The following YRDC variants were observed in gnomAD, a reference collection of about 807,000 sequenced individuals.
YRDC encodes threonylcarbamoyl-AMP synthase.
A neutral mutation model predicts 21.5 loss-of-function variants in YRDC; 17 were observed. The ratio of observed to expected loss-of-function variants is 0.79; its 90% CI spans 0.54 to 1.19. The LOEUF (loss-of-function observed/expected upper bound fraction) is 1.19, where lower values mean the gene tolerates loss of function less well. Among genes scored for constraint, YRDC ranks in the 50% most tolerant of loss-of-function variants. The probability of loss-of-function intolerance (pLI) is 0.00; values close to 1 mark genes in which losing one functional copy is unlikely to be tolerated. For missense variants in YRDC, 380 were observed against 397.1 expected, an observed-to-expected ratio of 0.96 and a Z score of 0.37; for synonymous variants, 193 against 176.7, an observed-to-expected ratio of 1.09 and a Z score of -0.73.
chr1:37,804,109 C>T, intron 4 of YRDC, 112 bp from the exon 5 acceptor site: 3 of 1,476,454 alleles, frequency 2.0e-6, no homozygotes, highest in Non-Finnish European at 1.9e-6. Flanking sequence ...CCCTGTTCAT[C>T]AACCCTTGAT....
rs956661899 is a variant in YRDC, at chr1:37,803,603, T to A, written c.*322A>T. On this transcript the variant is annotated 3_prime_UTR_variant, in exon 5 of 5. Transcript: ENST00000373044. ...AGGCTCTCACTAGATTCTAAATCTG[T>A]TATTTAATTACTTTTCAATTGAAAA... 1.8e-5 allele frequency: 5 copies of A among 270,960 alleles called. No homozygotes were observed. The highest frequency in any genetic ancestry group is 2.1e-5 in the Non-Finnish European group (3 of 142,552). 16.8% of individuals were successfully genotyped at this position (270,960 alleles called of 1,614,324 possible).
Position 37,807,409 on chromosome 1 carries a change from G to A in YRDC, c.390-194C>T, listed in dbSNP as rs1646746372. 1.9e-5 allele frequency: 12 copies of A among 626,014 alleles called. No homozygotes were observed. The South Asian group carries it at 2.4e-4, about 12-fold the overall frequency. 38.8% of individuals were successfully genotyped at this position (626,014 alleles called of 1,614,324 possible). On this transcript the variant is annotated intron_variant, in intron 1 of 4. Transcript: ENST00000373044. ...CGCACCCCTGGCTTGACGCCCATGT[G>A]CCTCTGGTCTCAGGGACTACAACAG... is the stretch of plus-strand genomic sequence containing the variant.
In YRDC at chr1:37,803,749, G is replaced by A; in HGVS notation, c.*176C>T. On this transcript the variant is annotated 3_prime_UTR_variant, in exon 5 of 5. Transcript: ENST00000373044. The stretch of plus-strand genomic sequence containing the variant: ...AAATACATCCTTTCCCCAGGTGCAA[G>A]GCTAAACCAGCAGCTCCAAGGGCTT... The A allele has an allele frequency of 1.7e-6, 1 of 588,622 alleles. No individual in the cohort carries two copies. Among genetic ancestry groups the A allele is most frequent in the Non-Finnish European group, 3.0e-6 (1 of 338,532 alleles). The allele number at this position is 588,622 out of a possible 1,614,324, so 36.5% of individuals were successfully genotyped here.
rs753760956 is a variant in YRDC at position 37,803,896 on chromosome 1, G to A, written c.*29C>T. ...GACAGACACATAGTATCCAGCACCA[G>A]GTCTTGGGCCTTCCTGCTTCCCAGA... On this transcript the variant is annotated 3_prime_UTR_variant, in exon 5 of 5. Coordinates refer to ENST00000373044, the MANE Select transcript of YRDC (RefSeq NM_024640.4). The A allele has an allele frequency of 6.2e-7, 1 of 1,612,174 alleles. No individual in the cohort carries two copies. Among genetic ancestry groups the A allele is most frequent in the Non-Finnish European group, 8.5e-7 (1 of 1,178,670 alleles).
At chr1:37,807,492 G>A (rs1235132582) in intron 1 of YRDC, 7 of 586,772 alleles carry the variant, frequency 1.2e-5, no homozygotes, top group Admixed American at 6.2e-5. Context: ...TTTTCTTCAA[G>A]GCATTCGCTA....
intron 3 of YRDC, 37 bp downstream of exon 3, chr1:37,806,820 T>C: frequency 6.2e-7 from 1 of 1,613,696 alleles, no homozygotes; most frequent in Non-Finnish European, 8.5e-7. Context: ...GTATGTGCGC[T>C]GGTGACATTT....
In YRDC at chr1:37,808,143, G is replaced by A. The variant is rs1453570081; in HGVS notation, c.38C>T (p.Ala13Val). The A allele has an allele frequency of 6.8e-7, 1 of 1,471,696 alleles. No individual in the cohort carries two copies. Among genetic ancestry groups the A allele is most frequent in the East Asian group, 3.0e-5 (1 of 33,254 alleles). 91.2% of individuals were successfully genotyped at this position (1,471,696 alleles called of 1,614,324 possible). A position where few individuals can be genotyped will look rare whatever the true frequency, so the allele number is the denominator to read the frequency against. ...GCTCAACCCCACGCTGGCAGCCACC[G>A]CGGCCCTCATCCCCCTGCACCGACG... ...PARRCRGMRA[A>V]VAASVGLSEG... The change falls in exon 1 of 5, where the codon GCG (alanine) becomes GTG (valine). Residue 13 changes from alanine to valine, a missense_variant. Coordinates refer to ENST00000373044, the MANE Select transcript of YRDC (RefSeq NM_024640.4).
rs1189289384 is a variant in YRDC, at chr1:37,807,934, C to T, written c.247G>A (p.Val83Met). 2.4e-6 allele frequency: 3 copies of T among 1,245,184 alleles called. No homozygotes were observed. The highest frequency in any genetic ancestry group is 8.4e-5 in the Admixed American group (2 of 23,916). 77.1% of individuals were successfully genotyped at this position (1,245,184 alleles called of 1,614,324 possible). Reference sequence around the variant, plus strand: ...TACAGCGTATCGGTGGGGACGGCCACCACGGCGCCGGCGCGCAGCTCGGCC... The same window carrying T: ...TACAGCGTATCGGTGGGGACGGCCATCACGGCGCCGGCGCGCAGCTCGGCC... ...AVAELRAGAVVAVPTDTLYGL... is the reference protein window; with the variant it reads ...AVAELRAGAVMAVPTDTLYGL... The change falls in exon 1 of 5, where the codon GTG (valine) becomes ATG (methionine). Residue 83 changes from valine to methionine, a missense_variant. Around this residue, in one of 3 missense-constraint regions of YRDC, gnomAD observed 51 missense variants for 95.9 expected, o/e 0.53. Coordinates refer to ENST00000373044, the MANE Select transcript of YRDC (RefSeq NM_024640.4).
At chr1:37,807,746 C>G (rs1646750220) in intron 1 of YRDC, 46 bp downstream of exon 1, 1 of 1,434,870 alleles carries the variant, frequency 7.0e-7, no homozygotes, top group African/African-American at 1.5e-5. Context: ...CCGGAAACCC[C>G]TCCCGCGGTG....
chr1:37,806,839 A>G lies in YRDC; in HGVS notation c.624+18T>C. On this transcript the variant is annotated intron_variant, in intron 3 of 4. Transcript: ENST00000373044. ...GTGCGCTGGTGACATTTCCAGGGGA[A>G]GGACTGGGTAAACTCACCTCGACAT... 1 of 1,614,034 alleles carries G rather than the reference A, an allele frequency of 6.2e-7. No individual in the cohort carries two copies. The highest frequency in any genetic ancestry group is 8.5e-7 in the Non-Finnish European group (1 of 1,179,966).
Position 37,803,790 on chromosome 1 carries a change from GA to G in YRDC, c.*134del. The G allele has an allele frequency of 1.1e-6, 1 of 914,154 alleles. No individual in the cohort carries two copies. The highest frequency in any genetic ancestry group is 1.7e-6 in the Non-Finnish European group (1 of 592,810). The allele number at this position is 914,154 out of a possible 1,614,324, so 56.6% of individuals were successfully genotyped here. ...CCAAGGGCTTGGTCTACAGTGCTCA[GA>G]AAGACACACTGCCTTAAAAGTCAGG... On this transcript the variant is annotated 3_prime_UTR_variant, in exon 5 of 5. Transcript: ENST00000373044.
At chr1:37,804,812 A>G (rs1262394037) in intron 3 of YRDC, among the ~76,000 whole-genome samples, 2 of 152,206 alleles carry the variant, frequency 1.3e-5, no homozygotes, top group Non-Finnish European at 2.9e-5. Context: ...ACTGCATGCA[A>G]GTTACTCTAT....
chr1:37,805,718 TCTCA>T (rs1646729654), intron 3 of YRDC, among the ~76,000 whole-genome samples: 4 of 152,256 alleles, frequency 2.6e-5, no homozygotes, highest in African/African-American at 4.8e-5. Flanking sequence ...GATGCTGAAC[TCTCA>T]CTTTCTAAGA....
At chr1:37,807,528 G>C (rs2148391895) in intron 1 of YRDC, 1 of 641,368 alleles carries the variant, frequency 1.6e-6, no homozygotes, top group African/African-American at 1.8e-5. Context: ...GTGTTTGTTT[G>C]CTTTTTTCCC....
chr1:37,806,706 C>T, intron 3 of YRDC, 151 bp downstream of exon 3: 1 of 1,240,708 alleles, frequency 8.1e-7, no homozygotes, highest in Non-Finnish European at 1.1e-6. Context: ...ATATTGCCCC[C>T]CACCACCTCC....
At position 37,806,963 on chromosome 1, in the gene YRDC, C is replaced by T. The variant is rs763156645; in HGVS notation, c.518G>A (p.Arg173Gln). 6.2e-7 allele frequency: 1 copy of T among 1,614,102 alleles called. No individual in the cohort carries two copies. Among genetic ancestry groups the T allele is most frequent in the South Asian group, 1.1e-5 (1 of 91,078 alleles). ...LNPFTPLVGIRIPDHAFMQDL... is the reference protein window; with the variant it reads ...LNPFTPLVGIQIPDHAFMQDL... ...TTGCATAAAAGCATGATCAGGAATC[C>T]GAATGCCTACAAGCTGTAAGGCAAG... Residue 173 changes from arginine (R) to glutamine (Q), a missense_variant, in exon 3 of 5, where the codon CGG (arginine) becomes CAG (glutamine). This residue lies in a region of YRDC where 238 missense variants were observed against 236.5 expected (regional missense o/e 1.01). Coordinates refer to ENST00000373044, the MANE Select transcript of YRDC (RefSeq NM_024640.4).
At chr1:37,804,507 G>A in intron 3 of YRDC, 63 bp from the exon 4 acceptor site, 3 of 1,548,916 alleles carry the variant, frequency 1.9e-6, no homozygotes, top group Non-Finnish European at 2.6e-6. Flanking sequence ...ATGTCAAACT[G>A]CACGCAGTCA....
At chr1:37,805,562 A>T (rs1646729093) in intron 3 of YRDC, among the ~76,000 whole-genome samples, 1 of 152,208 alleles carries the variant, frequency 6.6e-6, no homozygotes, top group Non-Finnish European at 1.5e-5. Context: ...TGGGACAGGA[A>T]ATCATAAATA....
chr1:37,803,949 G>T lies in YRDC; in HGVS notation c.816C>A (p.Leu272=). The stretch of plus-strand genomic sequence containing the variant: ...TTCACAGGTAGGACGCATGTGAGGG[G>T]AGCAGTCCGTACTTCTGTTGGAGGA... The part of the protein sequence containing the change: ...TAILQQKYGL[L]PSHASYL Residue 272 remains leucine (L), a synonymous_variant, in exon 5 of 5, where the codon CTC becomes CTA. Transcript: ENST00000373044. The T allele has an allele frequency of 1.2e-6, 2 of 1,614,142 alleles. No individual in the cohort carries two copies. Among genetic ancestry groups the T allele is most frequent in the South Asian group, 2.2e-5 (2 of 91,064 alleles).
Sources: gnomAD v4.1 joint callset for allele counts (sites outside exome capture counted in the v4.1 genomes callset) on GRCh38, gnomAD v4.1.1 for gene constraint, gnomAD v4.1.1 regional missense constraint, MANE v1.5 for transcripts, NCBI Gene and HGNC (gene_info 2026-07-23, HGNC 2026-07-21) for gene names.